HS6ST3: variants seen among roughly 807,000 people sequenced by gnomAD.
HS6ST3 encodes the protein heparan sulfate 6-O-sulfotransferase 3, also known as heparan-sulfate 6-O-sulfotransferase 3.
HS6ST3 carries 12 observed loss-of-function variants against 36.7 expected under a neutral mutation model. That is an observed-to-expected ratio of 0.33 (90% CI 0.21 to 0.53). HS6ST3 has a LOEUF of 0.53. Among genes scored for constraint, HS6ST3 ranks in the 20% least tolerant of loss-of-function variants. HS6ST3 has a pLI of 0.95. For missense variants in HS6ST3, 584 were observed against 640.9 expected (o/e 0.91, Z 0.96); for synonymous variants, 240 against 257.5 (o/e 0.93, Z 0.65).
intron 1 of HS6ST3, among the ~76,000 whole-genome samples, chr13:96,153,842 A>G (rs1038912977): frequency 6.6e-6 from 1 of 152,232 alleles, no homozygotes; most frequent in Non-Finnish European, 1.5e-5. Context: ...ACTTGCTAAA[A>G]TGTCCTTTTC....
intron 1 of HS6ST3, among the ~76,000 whole-genome samples, chr13:96,713,128 G>A (rs1232975899): frequency 1.3e-5 from 2 of 152,012 alleles, no homozygotes; most frequent in East Asian, 1.9e-4. Context: ...TGATGTTAAC[G>A]GGATATTTTC....
chr13:96,799,525 G>T (rs992397491), intron 1 of HS6ST3, among the ~76,000 whole-genome samples: 2 of 151,034 alleles, frequency 1.3e-5, no homozygotes, highest in African/African-American at 2.4e-5. Flanking sequence ...GTAAACTATC[G>T]CAAGAACAAA....
intron 1 of HS6ST3, among the ~76,000 whole-genome samples, chr13:96,772,128 T>C (rs972934080): frequency 6.6e-6 from 1 of 152,142 alleles, no homozygotes; most frequent in Admixed American, 6.6e-5. Flanking sequence ...AGCTGAGACG[T>C]TGGTGTGGGC....
intron 1 of HS6ST3, among the ~76,000 whole-genome samples, chr13:96,300,423 A>T (rs1455791513): frequency 6.6e-6 from 1 of 152,042 alleles, no homozygotes; most frequent in Non-Finnish European, 1.5e-5. Flanking sequence ...GCAAGGGGGA[A>T]ATTCATGGCT....
chr13:96,675,816 C>T (rs971605285), intron 1 of HS6ST3, among the ~76,000 whole-genome samples: 2 of 152,134 alleles, frequency 1.3e-5, no homozygotes, highest in Non-Finnish European at 2.9e-5. Flanking sequence ...ATGGTCTCTC[C>T]CTGTGATGTC....
At chr13:96,398,149 A>G (rs2055431569) in intron 1 of HS6ST3, among the ~76,000 whole-genome samples, 1 of 152,192 alleles carries the variant, frequency 6.6e-6, no homozygotes, top group Non-Finnish European at 1.5e-5. Context: ...TAATGTGTGC[A>G]AAGCCCACTG....
At chr13:96,541,547 A>G (rs553301422) in intron 1 of HS6ST3, among the ~76,000 whole-genome samples, 4 of 152,342 alleles carry the variant, frequency 2.6e-5, no homozygotes, top group East Asian at 1.9e-4. Flanking sequence ...AGAGTTAACT[A>G]GCAAAATTGA....
At chr13:96,275,938 C>T (rs2054746364) in intron 1 of HS6ST3, among the ~76,000 whole-genome samples, 1 of 151,768 alleles carries the variant, frequency 6.6e-6, no homozygotes, top group Admixed American at 6.6e-5. Context: ...CTCTCCATGC[C>T]TGTTAAGCAC....
intron 1 of HS6ST3, among the ~76,000 whole-genome samples, chr13:96,655,856 A>G (rs1235091664): frequency 2.6e-5 from 4 of 152,122 alleles, no homozygotes; most frequent in African/African-American, 4.8e-5. Flanking sequence ...TCAATCTTCT[A>G]TCAGGCTTCT....
At chr13:96,744,188 T>A (rs1462222309) in intron 1 of HS6ST3, among the ~76,000 whole-genome samples, 1 of 152,102 alleles carries the variant, frequency 6.6e-6, no homozygotes, top group Non-Finnish European at 1.5e-5. Flanking sequence ...TTTGTCTTAT[T>A]TTAATTTTTT....
chr13:96,346,447 G>T (rs1344173218), intron 1 of HS6ST3, among the ~76,000 whole-genome samples: 2 of 151,862 alleles, frequency 1.3e-5, no homozygotes, highest in African/African-American at 4.8e-5. Context: ...GGTGGCAGGT[G>T]CCTGTAGTCC....
chr13:96,837,213 T>G lies in HS6ST3; in HGVS notation c.*4015T>G, dbSNP rs998759947. ...AAAAGGGAACCAAACGATATTTAAG[T>G]GCTTTTTAATGTCACTTACTTCATC... On this transcript the variant is annotated 3_prime_UTR_variant, in exon 2 of 2. Coordinates refer to ENST00000376705, the MANE Select transcript of HS6ST3 (RefSeq NM_153456.4). 1 of 152,238 alleles carries G rather than the reference T, an allele frequency of 6.6e-6. No individual in the cohort carries two copies. The highest frequency in any genetic ancestry group is 1.5e-5 in the Non-Finnish European group (1 of 68,048). The allele number at this position is 152,238 out of a possible 1,614,324, so 9.4% of individuals were successfully genotyped here.
At chr13:96,499,042 T>C (rs1468155728) in intron 1 of HS6ST3, among the ~76,000 whole-genome samples, 1 of 151,848 alleles carries the variant, frequency 6.6e-6, no homozygotes, top group Admixed American at 6.6e-5. Context: ...TTTTTTTTTT[T>C]TTTTGAGAAG....
chr13:96,559,723 CTT>C (rs368220722), intron 1 of HS6ST3, among the ~76,000 whole-genome samples: 3 of 146,642 alleles, frequency 2.0e-5, no homozygotes, highest in African/African-American at 7.5e-5. Context: ...GCAGATTATT[CTT>C]TTTTTTTTTT....
At chr13:96,787,968 C>A (rs1877692393) in intron 1 of HS6ST3, among the ~76,000 whole-genome samples, 1 of 151,756 alleles carries the variant, frequency 6.6e-6, no homozygotes, top group African/African-American at 2.4e-5. Flanking sequence ...TTTTTTGACC[C>A]ATGAATGTCC....
At chr13:96,250,223 G>T (rs1373690700) in intron 1 of HS6ST3, among the ~76,000 whole-genome samples, 1 of 152,190 alleles carries the variant, frequency 6.6e-6, no homozygotes, top group African/African-American at 2.4e-5. Flanking sequence ...TTCAGCAGAG[G>T]TAGTGTTCTA....
chr13:96,120,237 G>C (rs138973919), intron 1 of HS6ST3, among the ~76,000 whole-genome samples: 1 of 152,176 alleles, frequency 6.6e-6, no homozygotes, highest in Non-Finnish European at 1.5e-5. Flanking sequence ...TTGCAGAGGG[G>C]CTGGGGCCCT....
At chr13:96,770,736 C>T (rs1399763348) in intron 1 of HS6ST3, among the ~76,000 whole-genome samples, 1 of 152,222 alleles carries the variant, frequency 6.6e-6, no homozygotes, top group Non-Finnish European at 1.5e-5. Flanking sequence ...TCACTTTCAT[C>T]AAGCTTGAGT....
intron 1 of HS6ST3, among the ~76,000 whole-genome samples, chr13:96,103,986 C>T (rs1484365105): frequency 6.7e-6 from 1 of 149,166 alleles, no homozygotes; most frequent in East Asian, 2.0e-4. Flanking sequence ...ATTGCTTTAC[C>T]CTTTTGAGAA....
Sources: gnomAD v4.1 joint callset for allele counts (sites outside exome capture counted in the v4.1 genomes callset) on GRCh38, gnomAD v4.1.1 for gene constraint, MANE v1.5 for transcripts, NCBI Gene and HGNC (gene_info 2026-07-23, HGNC 2026-07-21) for gene names.